The following ABLIM1 variants were observed in gnomAD, a reference collection of about 807,000 sequenced individuals.
ABLIM1 encodes actin-binding LIM protein 1.
Under a neutral mutation model 107.0 loss-of-function variants are expected in ABLIM1, and 40 were observed. That is an observed-to-expected ratio of 0.37 (90% CI 0.29 to 0.49). The LOEUF is 0.49. ABLIM1 is among the 20% of genes least tolerant of loss of function. ABLIM1 has a pLI of 0.97. For missense variants in ABLIM1, 857 were observed against 1,008.5 expected (o/e 0.85, Z 2.04); for synonymous variants, 357 against 357.3 (o/e 1.00, Z 0.01).
At chr10:114,624,267 G>A (rs1476518154) in intron 1 of ABLIM1, among the ~76,000 whole-genome samples, 2 of 152,136 alleles carry the variant, frequency 1.3e-5, no homozygotes, top group African/African-American at 2.4e-5. Context: ...CTTTGGCATA[G>A]GAGAAGCCAA....
At chr10:114,589,683 C>T (rs1416355712) in intron 2 of ABLIM1, among the ~76,000 whole-genome samples, 1 of 152,152 alleles carries the variant, frequency 6.6e-6, no homozygotes, top group Non-Finnish European at 1.5e-5. Flanking sequence ...GCTGGGACAA[C>T]AAATGTGTGC....
intron 6 of ABLIM1, among the ~76,000 whole-genome samples, chr10:114,528,011 T>C (rs1281119559): frequency 1.3e-5 from 2 of 151,956 alleles, no homozygotes; most frequent in Non-Finnish European, 2.9e-5. Flanking sequence ...CTAATTTTTG[T>C]ATTTTTAGTA....
At chr10:114,673,249 C>CT (rs1248729174) in intron 1 of ABLIM1, among the ~76,000 whole-genome samples, 3 of 128,392 alleles carry the variant, frequency 2.3e-5, no homozygotes, top group Non-Finnish European at 4.8e-5. Context: ...CAGAGCAAGA[C>CT]TCCAGCTAAA....
At chr10:114,543,454 AT>A (rs1294109007) in intron 6 of ABLIM1, among the ~76,000 whole-genome samples, 1 of 152,220 alleles carries the variant, frequency 6.6e-6, no homozygotes, top group Non-Finnish European at 1.5e-5. Context: ...TTAAAGGCTC[AT>A]CCTGTGGTTG....
At chr10:114,580,627 C>T (rs1200881053) in intron 2 of ABLIM1, among the ~76,000 whole-genome samples, 1 of 152,146 alleles carries the variant, frequency 6.6e-6, no homozygotes, top group Admixed American at 6.5e-5. Context: ...GAGTCCTATA[C>T]TTTTTGAAAA....
chr10:114,731,332 G>GGGTT (rs1427471942), intron 1 of ABLIM1, among the ~76,000 whole-genome samples: 1 of 151,982 alleles, frequency 6.6e-6, no homozygotes, highest in African/African-American at 2.4e-5. Flanking sequence ...AGTAGAAACA[G>GGGTT]GGTTTCACCA....
intron 1 of ABLIM1, among the ~76,000 whole-genome samples, chr10:114,696,918 C>G (rs1418139276): frequency 6.6e-6 from 1 of 152,152 alleles, no homozygotes; most frequent in Non-Finnish European, 1.5e-5. Flanking sequence ...GGAGTTAGGG[C>G]TGCAACATAG....
chr10:114,457,826 C>A (rs1316194011), intron 12 of ABLIM1, among the ~76,000 whole-genome samples: 2 of 152,160 alleles, frequency 1.3e-5, no homozygotes, highest in Non-Finnish European at 2.9e-5. Context: ...AATCCCAGCA[C>A]TTTGGGAGGC....
chr10:114,491,941 T>TG (rs1323518302), intron 6 of ABLIM1, 63 bp from the exon 7 acceptor site: 13 of 1,301,706 alleles, frequency 1.0e-5, no homozygotes, highest in Non-Finnish European at 1.4e-5. Context: ...GAATCTTTTC[T>TG]GGACTTGATG....
chr10:114,711,696 G>C (rs2081551785), intron 1 of ABLIM1, among the ~76,000 whole-genome samples: 1 of 152,220 alleles, frequency 6.6e-6, no homozygotes. Flanking sequence ...AAAGAGGCAA[G>C]GGGTGGAGTC....
intron 6 of ABLIM1, among the ~76,000 whole-genome samples, chr10:114,494,022 ATAAT>A (rs1290553709): frequency 6.6e-6 from 1 of 152,240 alleles, no homozygotes; most frequent in Non-Finnish European, 1.5e-5. Flanking sequence ...TAAGTCTAAA[ATAAT>A]TAAAGTACTT....
chr10:114,765,373 T>A (rs67434151), intron 1 of ABLIM1, among the ~76,000 whole-genome samples: 8,510 of 64,718 alleles, frequency 0.13, 771 homozygotes, highest in African/African-American at 0.31. Context: ...AAAAAAAAAA[T>A]ATTCTATTAT....
At position 114,441,005 on chromosome 10, in the gene ABLIM1, T is replaced by G; in HGVS notation, c.2059+12A>C. The stretch of plus-strand genomic sequence containing the variant: ...GACGTGGCCATGCTCAGCCTGGCCA[T>G]GGGAGCCTCACCTCGCACTCCCCCG... On this transcript the variant is annotated intron_variant, in intron 19 of 22. Coordinates refer to ENST00000533213, the MANE Select transcript of ABLIM1 (RefSeq NM_002313.7). 6.3e-7 allele frequency: 1 copy of G among 1,582,784 alleles called. No homozygotes were observed. Among genetic ancestry groups the G allele is most frequent in the Non-Finnish European group, 8.6e-7 (1 of 1,162,926 alleles).
rs577707115 is a variant in ABLIM1, at chr10:114,561,241, C to G, written c.673+10056G>C. The stretch of plus-strand genomic sequence containing the variant: ...TCTACGTCAGCTTCTCAGATTCATA[C>G]TCATTAGCAAACCTCAGCTCATTTA... On this transcript the variant is annotated intron_variant, in intron 4 of 22. Coordinates refer to ENST00000533213, the MANE Select transcript of ABLIM1 (RefSeq NM_002313.7). Among the ~76,000 whole-genome samples, 3 of 152,306 alleles carry G rather than the reference C, an allele frequency of 2.0e-5. No individual in the cohort carries two copies. The East Asian group carries it at 5.8e-4, about 29-fold the overall frequency.
intron 1 of ABLIM1, among the ~76,000 whole-genome samples, chr10:114,626,958 A>G (rs1419978676): frequency 6.6e-6 from 1 of 152,144 alleles, no homozygotes; most frequent in South Asian, 2.1e-4. Context: ...AGCCAGGGAG[A>G]AGCATAGGAC....
At chr10:114,467,165 A>G (rs2065352584) in intron 11 of ABLIM1, among the ~76,000 whole-genome samples, 2 of 152,218 alleles carry the variant, frequency 1.3e-5, no homozygotes, top group African/African-American at 4.8e-5. Flanking sequence ...TCTCAAAAAA[A>G]AAGGAAATTA....
intron 4 of ABLIM1, among the ~76,000 whole-genome samples, chr10:114,557,098 G>C (rs2068840428): frequency 6.6e-6 from 1 of 152,180 alleles, no homozygotes; most frequent in African/African-American, 2.4e-5. Flanking sequence ...CCACTCTGGG[G>C]AAAAGGGGGT....
intron 7 of ABLIM1, 125 bp from the exon 8 acceptor site, chr10:114,488,141 T>C: frequency 9.9e-7 from 1 of 1,012,698 alleles, no homozygotes. Context: ...TATTGCTTTA[T>C]GTCCAAGTGA....
At chr10:114,577,109 T>C (rs935142045) in intron 2 of ABLIM1, among the ~76,000 whole-genome samples, 19 of 152,140 alleles carry the variant, frequency 1.2e-4, no homozygotes, top group Admixed American at 1.2e-3. Flanking sequence ...CCTTAGAGTG[T>C]TTTCTTCAAT....
Sources: gnomAD v4.1 joint callset for allele counts (sites outside exome capture counted in the v4.1 genomes callset) on GRCh38, gnomAD v4.1.1 for gene constraint, MANE v1.5 for transcripts, NCBI Gene and HGNC (gene_info 2026-07-23, HGNC 2026-07-21) for gene names.